The following TK2 variants were observed in gnomAD, a reference collection of about 807,000 sequenced individuals.
TK2 encodes thymidine kinase 2, also known as thymidine kinase 2, mitochondrial.
In TK2, 35 loss-of-function variants were observed where a neutral mutation model predicts 41.9. The ratio of observed to expected loss-of-function variants is 0.84; its 90% CI spans 0.64 to 1.11. The LOEUF is 1.11. Ranked by LOEUF, TK2 falls within the 50% of genes least tolerant of loss-of-function variation. The probability of loss-of-function intolerance (pLI) is 0.00; values close to 1 mark genes in which losing one functional copy is unlikely to be tolerated. For missense variants in TK2, 320 were observed against 351.1 expected, an observed-to-expected ratio of 0.91 and a Z score of 0.71; for synonymous variants, 128 against 129.1, an observed-to-expected ratio of 0.99 and a Z score of 0.06.
rs759501457 is a variant in TK2, at chr16:66,531,493, T to C, written c.286-24A>G. On this transcript the variant is annotated intron_variant, in intron 4 of 9. Coordinates refer to ENST00000544898, the MANE Select transcript of TK2 (RefSeq NM_004614.5). The stretch of plus-strand genomic sequence containing the variant: ...CCCTGCAGAAGGGAAAACACAGCAC[T>C]TTCCATCAAAGTGGCATCTGCAGGA... The C allele has an allele frequency of 1.2e-5, 20 of 1,612,536 alleles. No individual in the cohort carries two copies. The South Asian group carries it at 2.0e-4, about 16-fold the overall frequency.
At chr16:66,522,015 T>G (rs956046795) in intron 6 of TK2, among the ~76,000 whole-genome samples, 3 of 152,188 alleles carry the variant, frequency 2.0e-5, no homozygotes, top group Admixed American at 6.5e-5. Context: ...CACAAGACCT[T>G]GTGAGGCTGG....
intron 8 of TK2, among the ~76,000 whole-genome samples, chr16:66,515,527 C>T (rs1377388554): frequency 1.3e-5 from 2 of 152,236 alleles, no homozygotes; most frequent in Non-Finnish European, 2.9e-5. Context: ...CACACAGATT[C>T]CACTCGCCAT....
At chr16:66,529,244 T>C (rs1211661273) in intron 5 of TK2, among the ~76,000 whole-genome samples, 177 bp from the exon 6 acceptor site, 2 of 152,178 alleles carry the variant, frequency 1.3e-5, no homozygotes, top group Non-Finnish European at 2.9e-5. Context: ...AGAAGCCACA[T>C]CTGCCACCAG....
intron 4 of TK2, among the ~76,000 whole-genome samples, chr16:66,532,748 T>C (rs1173623754): frequency 1.3e-5 from 2 of 151,826 alleles, no homozygotes; most frequent in Admixed American, 6.6e-5. Context: ...AAAAAAGAGA[T>C]ATTCAACACT....
intron 4 of TK2, among the ~76,000 whole-genome samples, chr16:66,535,358 TC>T (rs931853960): frequency 6.6e-6 from 1 of 152,176 alleles, no homozygotes; most frequent in Non-Finnish European, 1.5e-5. Flanking sequence ...TCACTTATGA[TC>T]CCTAACACCT....
intron 4 of TK2, among the ~76,000 whole-genome samples, chr16:66,534,051 C>T (rs908746305): frequency 6.6e-6 from 1 of 151,490 alleles, no homozygotes; most frequent in Non-Finnish European, 1.5e-5. Flanking sequence ...GTACAGAGCC[C>T]TCTTGAATGG....
rs1964425953 is a variant in TK2 at position 66,510,690 on chromosome 16, G to C, written c.*1278C>G. 6.6e-6 allele frequency: 1 copy of C among 152,204 alleles called. No individual in the cohort carries two copies. Among genetic ancestry groups the C allele is most frequent in the Non-Finnish European group, 1.5e-5 (1 of 68,048 alleles). 9.4% of individuals were successfully genotyped at this position (152,204 alleles called of 1,614,324 possible). A position where few individuals can be genotyped will look rare whatever the true frequency, so the allele number is the denominator to read the frequency against. On this transcript the variant is annotated 3_prime_UTR_variant, in exon 10 of 10. Transcript: ENST00000544898. ...TGAGCCTTAATCCTTTCCAGGGTTT[G>C]CATCTAGTCTTCTTGAAGCTCTCTC... is the stretch of plus-strand genomic sequence containing the variant.
chr16:66,543,756 C>T (rs181577323), intron 2 of TK2, among the ~76,000 whole-genome samples: 1 of 152,248 alleles, frequency 6.6e-6, no homozygotes, highest in East Asian at 1.9e-4. Flanking sequence ...TCTCACCCGA[C>T]CCCACTAAAG....
At chr16:66,528,003 G>A (rs916619067) in intron 6 of TK2, among the ~76,000 whole-genome samples, 1 of 152,178 alleles carries the variant, frequency 6.6e-6, no homozygotes, top group Non-Finnish European at 1.5e-5. Flanking sequence ...CCGTACTCCA[G>A]CTTGGGTGAT....
rs1964533043 is a variant in TK2 at position 66,514,083 on chromosome 16, G to A, written c.619-272C>T. ...CACAAACACTGGCCCTTCCCCTGGC[G>A]CCTGAATCAAAGCCAAGGCAAAAGG... On this transcript the variant is annotated intron_variant, in intron 8 of 9. Transcript: ENST00000544898. The surrounding 1 kb of genome is among the most constrained non-coding windows in gnomAD (Gnocchi z 4.2). Among the ~76,000 whole-genome samples, 1 of 152,086 alleles carries A rather than the reference G, an allele frequency of 6.6e-6. No individual in the cohort carries two copies. The highest frequency in any genetic ancestry group is 1.5e-5 in the Non-Finnish European group (1 of 68,008).
At chr16:66,521,421 G>C (rs772653337) in intron 6 of TK2, among the ~76,000 whole-genome samples, 1 of 152,220 alleles carries the variant, frequency 6.6e-6, no homozygotes, top group Non-Finnish European at 1.5e-5. Context: ...TGCAGACTGA[G>C]GGGCAGCCTC....
At chr16:66,543,930 AG>A (rs1479613058) in intron 2 of TK2, among the ~76,000 whole-genome samples, 3 of 152,160 alleles carry the variant, frequency 2.0e-5, no homozygotes, top group African/African-American at 7.2e-5. Context: ...AATGAACAAA[AG>A]GGCATGAAAA....
intron 9 of TK2, 138 bp downstream of exon 9, chr16:66,513,593 C>A (rs1243189878): frequency 3.7e-6 from 3 of 806,780 alleles, no homozygotes; most frequent in Non-Finnish European, 6.2e-6. Context: ...GAGAGAGCAC[C>A]AGCCTTCCCA....
intron 3 of TK2, among the ~76,000 whole-genome samples, chr16:66,538,154 C>T (rs1965344904): frequency 6.6e-6 from 1 of 152,092 alleles, no homozygotes; most frequent in Admixed American, 6.5e-5. Flanking sequence ...CAGAGCAAGA[C>T]TCCGTCTCTA....
Position 66,517,086 on chromosome 16 carries a change from C to G in TK2, c.618+50G>C. On this transcript the variant is annotated intron_variant, in intron 8 of 9. Coordinates refer to ENST00000544898, the MANE Select transcript of TK2 (RefSeq NM_004614.5). The surrounding 1 kb of genome is among the most constrained non-coding windows in gnomAD (Gnocchi z 4.3). ...GGCCGGGAGAGGAAGCCGGGTTGGA[C>G]AGAGGTGGTTTCCCAGTTTGTCTTT... The G allele has an allele frequency of 6.5e-7, 1 of 1,548,790 alleles. No individual in the cohort carries two copies. Among genetic ancestry groups the G allele is most frequent in the Non-Finnish European group, 8.9e-7 (1 of 1,120,574 alleles).
At chr16:66,515,497 C>G (rs1964585362) in intron 8 of TK2, among the ~76,000 whole-genome samples, 1 of 152,256 alleles carries the variant, frequency 6.6e-6, no homozygotes, top group African/African-American at 2.4e-5. Flanking sequence ...CTCTCCCAGG[C>G]ACAGAGTGGG....
In TK2 at chr16:66,517,415, C is replaced by T. The variant is rs1964648192; in HGVS notation, c.539-200G>A. 3.0e-6 allele frequency: 2 copies of T among 655,798 alleles called. No homozygotes were observed. The highest frequency in any genetic ancestry group is 1.7e-5 in the South Asian group (1 of 60,034). 40.6% of individuals were successfully genotyped at this position (655,798 alleles called of 1,614,324 possible). On this transcript the variant is annotated intron_variant, in intron 7 of 9. Coordinates refer to ENST00000544898, the MANE Select transcript of TK2 (RefSeq NM_004614.5). The surrounding 1 kb of genome is among the most constrained non-coding windows in gnomAD (Gnocchi z 4.3). ...GCGGCCCCGTGGGGTCGTTTTGAGG[C>T]TGAATGGGATTCTGTTCATAGACAG... is the stretch of plus-strand genomic sequence containing the variant.
rs1964667369 is a variant in TK2 at position 66,517,992 on chromosome 16, G to A, written c.450-115C>T. The A allele has an allele frequency of 2.4e-6, 2 of 849,198 alleles. No individual in the cohort carries two copies. Among genetic ancestry groups the A allele is most frequent in the Non-Finnish European group, 4.1e-6 (2 of 491,230 alleles). 52.6% of individuals were successfully genotyped at this position (849,198 alleles called of 1,614,324 possible). ...TGAAAGGAGTCACCAAGGGTACCAG[G>A]GCACAGTGTGATCCGTGCAATACTG... On this transcript the variant is annotated intron_variant, in intron 6 of 9. Transcript: ENST00000544898. This position sits in a 1 kb window ranked among gnomAD's most constrained non-coding sequence, Gnocchi z 4.3.
rs1191194356 is a variant in TK2, at chr16:66,508,745, G to A, written c.*3223C>T. 2 of 152,272 alleles carry A rather than the reference G, an allele frequency of 1.3e-5. No homozygotes were observed. Among genetic ancestry groups the A allele is most frequent in the African/African-American group, 4.8e-5 (2 of 41,468 alleles). The allele number at this position is 152,272 out of a possible 1,614,324, so 9.4% of individuals were successfully genotyped here. A position where few individuals can be genotyped will look rare whatever the true frequency, so the allele number is the denominator to read the frequency against. ...GACTGATATATTCCCCAGGCGGGGG[G>A]ACACTTCTCATCTAGGTAAAGGGCT... is the stretch of plus-strand genomic sequence containing the variant. On this transcript the variant is annotated 3_prime_UTR_variant, in exon 10 of 10. Transcript: ENST00000544898.
Sources: allele counts gnomAD v4.1 joint callset (sites outside exome capture counted in the v4.1 genomes callset), GRCh38; gene constraint gnomAD v4.1.1; non-coding constraint Gnocchi (gnomAD v3.1); transcripts MANE v1.5; gene names NCBI Gene and HGNC (gene_info 2026-07-23, HGNC 2026-07-21).